Variants in ALOX15B observed in about 807,000 individuals in gnomAD.
ALOX15B encodes polyunsaturated fatty acid lipoxygenase ALOX15B.
ALOX15B carries 74 observed loss-of-function variants against 73.8 expected under a neutral mutation model. The ratio of observed to expected loss-of-function variants is 1.00; its 90% CI spans 0.83 to 1.22. The LOEUF (loss-of-function observed/expected upper bound fraction) is 1.22, where lower values mean the gene tolerates loss of function less well. Ranked by LOEUF, ALOX15B falls within the 50% of genes most tolerant of loss-of-function variation. The pLI, the probability that ALOX15B is intolerant of heterozygous loss-of-function variation, is 0.00. For missense variants in ALOX15B, 896 were observed against 859.9 expected (o/e 1.04, Z -0.52); for synonymous variants, 353 against 357.2 (o/e 0.99, Z 0.13).
At chr17:8,042,259 G>A in intron 3 of ALOX15B, 110 bp from the exon 4 acceptor site, 1 of 1,384,518 alleles carries the variant, frequency 7.2e-7, no homozygotes, top group South Asian at 1.4e-5. Context: ...CCTCTTGGCT[G>A]AAGGGGTCTG....
intron 5 of ALOX15B, among the ~76,000 whole-genome samples, chr17:8,044,044 G>A (rs765171737): frequency 5.3e-5 from 8 of 150,298 alleles, no homozygotes; most frequent in Admixed American, 1.3e-4. Flanking sequence ...ATTCCAGCCC[G>A]GGCAAGAGAG....
chr17:8,046,600 T>G (rs1976613296), intron 8 of ALOX15B, 68 bp from the exon 9 acceptor site: 3 of 1,499,006 alleles, frequency 2.0e-6, no homozygotes, highest in Non-Finnish European at 2.7e-6. Flanking sequence ...CTGGTGCCTG[T>G]GTGGGGGAAG....
At position 8,039,612 on chromosome 17, in the gene ALOX15B, G is replaced by A; in HGVS notation, c.367+7G>A. The A allele has an allele frequency of 7.6e-7, 1 of 1,307,604 alleles. No individual in the cohort carries two copies. The highest frequency in any genetic ancestry group is 1.1e-6 in the Non-Finnish European group (1 of 943,378). 81.0% of individuals were successfully genotyped at this position (1,307,604 alleles called of 1,614,324 possible). On this transcript the variant is annotated splice_region_variant and intron_variant, in intron 2 of 13. Coordinates refer to ENST00000380183, the MANE Select transcript of ALOX15B (RefSeq NM_001141.3). ...GTGCTGCAGGAGGGTACAGGTGAGG[G>A]GCGGGCCGGGCTGGGGCTGCAGGGG...
Position 8,047,650 on chromosome 17 carries a change from G to A in ALOX15B, c.1666G>A (p.Val556Ile), listed in dbSNP as rs377093179. The change falls in exon 12 of 14, where the codon GTC becomes ATC. Residue 556 changes from valine (V) to isoleucine (I), a missense_variant. Physicochemically the swap from Val to Ile is conservative, Grantham distance 29 (BLOSUM62 3). Transcript: ENST00000380183. ...CACCTGCTCCGCCAAGCATGCGGCTGTCAGTGCAGGGCAGGTGAGGAAAGG... is the reference window on the plus strand; with the variant it reads ...CACCTGCTCCGCCAAGCATGCGGCTATCAGTGCAGGGCAGGTGAGGAAAGG... ...IFTCSAKHAA[V>I]SAGQFDSCAW... 5.1e-5 allele frequency: 83 copies of A among 1,612,110 alleles called. 1 individual carries two copies. The highest frequency in any genetic ancestry group is 1.6e-4 in the Middle Eastern group (1 of 6,068).
In ALOX15B at chr17:8,048,648, C is replaced by G; in HGVS notation, c.*83C>G. 1 of 1,471,820 alleles carries G rather than the reference C, an allele frequency of 6.8e-7. No individual in the cohort carries two copies. The highest frequency in any genetic ancestry group is 2.3e-5 in the East Asian group (1 of 43,186). 91.2% of individuals were successfully genotyped at this position (1,471,820 alleles called of 1,614,324 possible). ...CTGGCACCCAGAGAAAAGGACTCCT[C>G]AGAAAAAACAGGCCCCCATGTGCCT... On this transcript the variant is annotated 3_prime_UTR_variant, in exon 14 of 14. Coordinates refer to ENST00000380183, the MANE Select transcript of ALOX15B (RefSeq NM_001141.3).
In ALOX15B at chr17:8,039,188, A is replaced by T; in HGVS notation, c.33A>T (p.Gly11=). Residue 11 remains glycine (G), a synonymous_variant, in exon 1 of 14, where the codon GGA becomes GGT. Transcript: ENST00000380183. ...AGTTCAGGGTCAGGGTGTCCACCGG[A>T]GAAGCCTTCGGGGCTGGCACATGGG... MAEFRVRVST[G]EAFGAGTWDK... The T allele has an allele frequency of 6.2e-7, 1 of 1,613,338 alleles. No homozygotes were observed.
rs370434436 is a variant in ALOX15B at position 8,045,567 on chromosome 17, C to A, written c.1081C>A (p.Arg361Ser). Residue 361 changes from arginine to serine, a missense_variant, in exon 8 of 14, where the codon CGC becomes AGC. Arg to Ser is a moderately radical substitution (Grantham distance 110). Coordinates refer to ENST00000380183, the MANE Select transcript of ALOX15B (RefSeq NM_001141.3). ...CTGGTTGCTGGCCAAGACCTGGGTG[C>A]GCAATGCCGAGTTCTCCTTCCATGA... ...WDWLLAKTWV[R>S]NAEFSFHEAL... 1.9e-6 allele frequency: 3 copies of A among 1,614,170 alleles called. No individual in the cohort carries two copies. Among genetic ancestry groups the A allele is most frequent in the African/African-American group, 2.7e-5 (2 of 75,026 alleles).
In ALOX15B at chr17:8,048,376, G is replaced by A. The variant is rs763811678; in HGVS notation, c.1852-10G>A. 1 of 1,607,870 alleles carries A rather than the reference G, an allele frequency of 6.2e-7. No homozygotes were observed. Among genetic ancestry groups the A allele is most frequent in the South Asian group, 1.1e-5 (1 of 90,514 alleles). ...CAGCCGCCTCACCCAACCTTGTGGT[G>A]GATCCTCAGAGGCCCCTGGGCACCT... On this transcript the variant is annotated splice_polypyrimidine_tract_variant and intron_variant, in intron 13 of 13. Transcript: ENST00000380183.
intron 3 of ALOX15B, among the ~76,000 whole-genome samples, chr17:8,041,289 T>C (rs564898081): frequency 6.6e-6 from 1 of 152,286 alleles, no homozygotes; most frequent in South Asian, 2.1e-4. Flanking sequence ...AATACCAATC[T>C]CGTTTGGGTT....
At chr17:8,047,953 G>C in intron 13 of ALOX15B, 38 bp downstream of exon 13, 1 of 1,602,894 alleles carries the variant, frequency 6.2e-7, no homozygotes, top group Non-Finnish European at 8.5e-7. Context: ...GGCCAAATTG[G>C]GGTAAGAGAG....
At chr17:8,040,097 T>C (rs951377589) in intron 3 of ALOX15B, 114 bp downstream of exon 3, 2 of 1,004,738 alleles carry the variant, frequency 2.0e-6, no homozygotes, top group Admixed American at 5.2e-5. Context: ...CTATCAAAGC[T>C]GCTCCTGGGA....
chr17:8,040,601 GAGAAAGAAAGAA>G (rs373229362), intron 3 of ALOX15B, among the ~76,000 whole-genome samples: 131 of 109,524 alleles, frequency 1.2e-3, no homozygotes, highest in Middle Eastern at 4.2e-3. Context: ...AAGAAAGAGA[GAGAAAGAAAGAA>G]AGAAAGAAAG....
Position 8,044,949 on chromosome 17 carries a change from C to G in ALOX15B, c.797C>G (p.Ala266Gly), listed in dbSNP as rs1289227760. ...CCAAAGAACTTCCCCGTCACTGATG[C>G]CATGGTGGCCTCAGTGTTGGGTCCT... ...YLPKNFPVTD[A>G]MVASVLGPGT... Residue 266 changes from alanine to glycine, a missense_variant, in exon 6 of 14, where the codon GCC (alanine) becomes GGC (glycine). Coordinates refer to ENST00000380183, the MANE Select transcript of ALOX15B (RefSeq NM_001141.3). 2 of 1,614,144 alleles carry G rather than the reference C, an allele frequency of 1.2e-6. No individual in the cohort carries two copies. Among genetic ancestry groups the G allele is most frequent in the South Asian group, 2.2e-5 (2 of 91,076 alleles).
At chr17:8,046,646 C>G in intron 8 of ALOX15B, 22 bp from the exon 9 acceptor site, 1 of 1,610,106 alleles carries the variant, frequency 6.2e-7, no homozygotes, top group South Asian at 1.1e-5. Flanking sequence ...TCCCCTAGCT[C>G]TGCCATTTTC....
chr17:8,047,040 G>A lies in ALOX15B; in HGVS notation c.1421G>A (p.Arg474His), dbSNP rs373235403. ...GAAGACATCCCAGGCTACTACTACC[G>A]TGATGATGGGATGCAGATCTGGGGT... ...GVEDIPGYYY[R>H]DDGMQIWGAV... Residue 474 changes from arginine (R) to histidine (H), a missense_variant, in exon 10 of 14, where the codon CGT (arginine) becomes CAT (histidine). By Grantham distance (29) the Arg-to-His change is conservative. Coordinates refer to ENST00000380183, the MANE Select transcript of ALOX15B (RefSeq NM_001141.3). The A allele has an allele frequency of 3.0e-5, 49 of 1,613,870 alleles. No homozygotes were observed. Among genetic ancestry groups the A allele is most frequent in the East Asian group, 8.9e-5 (4 of 44,886 alleles).
At chr17:8,044,443 G>C (rs867640869) in intron 5 of ALOX15B, among the ~76,000 whole-genome samples, 1 of 149,154 alleles carries the variant, frequency 6.7e-6, no homozygotes, top group Non-Finnish European at 1.5e-5. Context: ...AAAAAAAAAG[G>C]AAAGAAAAAG....
Position 8,044,946 on chromosome 17 carries a change from A to T in ALOX15B, c.794A>T (p.Asp265Val). ...HYLPKNFPVT[D>V]AMVASVLGPG... ...CTCCCAAAGAACTTCCCCGTCACTG[A>T]TGCCATGGTGGCCTCAGTGTTGGGT... Residue 265 changes from aspartate (D) to valine (V), a missense_variant, in exon 6 of 14, where the codon GAT becomes GTT. Transcript: ENST00000380183. The T allele has an allele frequency of 1.2e-6, 2 of 1,614,078 alleles. No homozygotes were observed. Among genetic ancestry groups the T allele is most frequent in the Non-Finnish European group, 1.7e-6 (2 of 1,179,996 alleles).
chr17:8,047,108 G>T, intron 10 of ALOX15B, 32 bp downstream of exon 10: 2 of 1,612,314 alleles, frequency 1.2e-6, no homozygotes, highest in Non-Finnish European at 1.7e-6. Flanking sequence ...GCCGAGGGCT[G>T]GTCGGGGACG....
At chr17:8,047,220 G>C (rs11870212) in intron 10 of ALOX15B, 38 bp from the exon 11 acceptor site, 76,285 of 1,613,228 alleles carry the variant, frequency 0.047, 2,002 homozygotes, top group African/African-American at 0.071. Flanking sequence ...AGAGCGGGTC[G>C]GGGTTGGAGG....
Sources: gnomAD v4.1 joint callset for allele counts (sites outside exome capture counted in the v4.1 genomes callset) on GRCh38, gnomAD v4.1.1 for gene constraint, MANE v1.5 for transcripts, NCBI Gene and HGNC (gene_info 2026-07-23, HGNC 2026-07-21) for gene names.